Variants in PIAS4 observed in about 807,000 individuals in gnomAD.
PIAS4 encodes protein inhibitor of activated STAT 4, also known as E3 SUMO-protein ligase PIAS4.
PIAS4 carries 7 observed loss-of-function variants against 58.0 expected under a neutral mutation model. The ratio of observed to expected loss-of-function variants is 0.12; its 90% CI spans 0.07 to 0.23. PIAS4 has a LOEUF of 0.23. Ranked by LOEUF, PIAS4 falls within the 10% of genes least tolerant of loss-of-function variation. The pLI, the probability that PIAS4 is intolerant of heterozygous loss-of-function variation, is 1.00. For missense variants in PIAS4, 550 were observed against 709.5 expected, an observed-to-expected ratio of 0.78 and a Z score of 2.55; for synonymous variants, 364 against 312.4, an observed-to-expected ratio of 1.17 and a Z score of -1.74.
chr19:4,011,154 C>A (rs2039988966), intron 1 of PIAS4, among the ~76,000 whole-genome samples: 2 of 152,244 alleles, frequency 1.3e-5, no homozygotes, highest in Admixed American at 1.3e-4. Flanking sequence ...CTGGCTTCGA[C>A]CCTCAGGGTC....
chr19:4,037,684 G>T lies in PIAS4; in HGVS notation c.1342G>T (p.Gly448Cys), dbSNP rs1382317580. The T allele has an allele frequency of 1.2e-6, 2 of 1,612,008 alleles. No homozygotes were observed. Reference sequence around the variant, plus strand: ...CGGGAGCGGTGCCCTGGGCAGCACGGGTGGCGGCGGCCCGGTGGGCAGCAT... The same window carrying T: ...CGGGAGCGGTGCCCTGGGCAGCACGTGTGGCGGCGGCCCGGTGGGCAGCAT... ...VNGSGALGST[G>C]GGGPVGSMEN... is the part of the protein sequence containing the mutation. Residue 448 changes from glycine (G) to cysteine (C), a missense_variant, in exon 11 of 11, where the codon GGT becomes TGT. By Grantham distance (159) the Gly-to-Cys change is radical (BLOSUM62 -3). Coordinates refer to ENST00000262971, the MANE Select transcript of PIAS4 (RefSeq NM_015897.4). This position sits in a 1 kb window ranked among gnomAD's most constrained non-coding sequence, Gnocchi z 5.8.
At chr19:4,036,651 T>TACAAAC (rs1326288835) in intron 9 of PIAS4, among the ~76,000 whole-genome samples, 2 of 95,228 alleles carry the variant, frequency 2.1e-5, no homozygotes, top group Admixed American at 9.6e-5. Context: ...CACACTGTCA[T>TACAAAC]ACACACACAT....
In PIAS4 at chr19:4,039,330, G is replaced by A. The variant is rs562820433; in HGVS notation, c.*1455G>A. On this transcript the variant is annotated 3_prime_UTR_variant, in exon 11 of 11. Transcript: ENST00000262971. The stretch of plus-strand genomic sequence containing the variant: ...TGAAGGCCGCTGTTTTCTAATATTT[G>A]TATTCTAATTTAATTGTTTTTAAAA... 1 of 152,232 alleles carries A rather than the reference G, an allele frequency of 6.6e-6. No homozygotes were observed. The highest frequency in any genetic ancestry group is 6.5e-5 in the Admixed American group (1 of 15,270). 9.4% of individuals were successfully genotyped at this position (152,232 alleles called of 1,614,324 possible). A position where few individuals can be genotyped will look rare whatever the true frequency, so the allele number is the denominator to read the frequency against.
chr19:4,015,795 C>T (rs978217685), intron 2 of PIAS4, among the ~76,000 whole-genome samples: 12 of 152,216 alleles, frequency 7.9e-5, no homozygotes. Context: ...TGAGGCCCAC[C>T]GCTCTGGTCT....
At chr19:4,014,187 T>C (rs969378379) in intron 2 of PIAS4, among the ~76,000 whole-genome samples, 2 of 151,720 alleles carry the variant, frequency 1.3e-5, no homozygotes, top group African/African-American at 4.8e-5. Flanking sequence ...GGAGGAGAGG[T>C]GCTGGGCTCC....
intron 2 of PIAS4, among the ~76,000 whole-genome samples, chr19:4,023,159 T>G (rs1453416193): frequency 9.9e-5 from 9 of 91,268 alleles, no homozygotes; most frequent in Admixed American, 5.0e-4. Flanking sequence ...GCAACAAGAG[T>G]GAAACAAAGT....
At chr19:4,015,935 G>C (rs1389319347) in intron 2 of PIAS4, among the ~76,000 whole-genome samples, 1 of 152,204 alleles carries the variant, frequency 6.6e-6, no homozygotes, top group African/African-American at 2.4e-5. Context: ...AGGCTGCAGG[G>C]GCCTCAGGCT....
intron 3 of PIAS4, among the ~76,000 whole-genome samples, chr19:4,025,688 C>CGTCTTTGTCAGCCTT (rs6146449): frequency 6.6e-6 from 1 of 151,652 alleles, no homozygotes; most frequent in Admixed American, 6.6e-5. Flanking sequence ...TTCTCAGCCT[C>CGTCTTTGTCAGCCTT]GTCTTCCTTG....
At chr19:4,020,017 C>T (rs1337003626) in intron 2 of PIAS4, among the ~76,000 whole-genome samples, 3 of 151,888 alleles carry the variant, frequency 2.0e-5, no homozygotes, top group Non-Finnish European at 4.4e-5. Flanking sequence ...CCCAGGTTCA[C>T]GCCATTCTCC....
rs1169284272 is a variant in PIAS4, at chr19:4,033,563, C to G, written c.1125C>G (p.Asp375Glu). ...TGTGCGACAAGCCAGCCCCCTACGA[C>G]CAGCTCATCATCGACGGGTGAGCCC... ...CPVCDKPAPYDQLIIDGLLSK... is the reference protein window; with the variant it reads ...CPVCDKPAPYEQLIIDGLLSK... The change falls in exon 9 of 11, where the codon GAC becomes GAG. Residue 375 changes from aspartate (D) to glutamate (E), a missense_variant. Asp to Glu is a conservative substitution (Grantham distance 45). This residue lies in a region of PIAS4 where 225 missense variants were observed against 345.8 expected (regional missense o/e 0.65). Transcript: ENST00000262971. 2 of 1,608,714 alleles carry G rather than the reference C, an allele frequency of 1.2e-6. No homozygotes were observed. Among genetic ancestry groups the G allele is most frequent in the Non-Finnish European group, 1.7e-6 (2 of 1,178,544 alleles).
At chr19:4,023,403 T>C (rs2040130388) in intron 2 of PIAS4, among the ~76,000 whole-genome samples, 1 of 152,132 alleles carries the variant, frequency 6.6e-6, no homozygotes, top group South Asian at 2.1e-4. Context: ...GAGGTTGCAG[T>C]CAGCCGAGAT....
At chr19:4,023,347 C>G (rs914091745) in intron 2 of PIAS4, among the ~76,000 whole-genome samples, 1 of 151,726 alleles carries the variant, frequency 6.6e-6, no homozygotes, top group East Asian at 1.9e-4. Context: ...GGCTTGGTGG[C>G]TATTCGGGAG....
chr19:4,032,702 A>G (rs2040233832), intron 7 of PIAS4, among the ~76,000 whole-genome samples: 1 of 152,198 alleles, frequency 6.6e-6, no homozygotes, highest in Non-Finnish European at 1.5e-5. Context: ...TCTCCCAAAG[A>G]GTCCCTGCCT....
In PIAS4 at chr19:4,028,911, C is replaced by A. The variant is rs751688776; in HGVS notation, c.802-20C>A. 6.2e-6 allele frequency: 10 copies of A among 1,609,052 alleles called. No individual in the cohort carries two copies. In the African/African-American group the frequency reaches 1.3e-4, roughly 22 times the overall value. ...CCCGGCCCCGTCCTGCCAGCCCTGA[C>A]CCCTTCCTTCTGTCCCCAGAGCTAC... is the stretch of plus-strand genomic sequence containing the variant. On this transcript the variant is annotated intron_variant, in intron 6 of 10. Coordinates refer to ENST00000262971, the MANE Select transcript of PIAS4 (RefSeq NM_015897.4).
Position 4,037,662 on chromosome 19 carries a change from G to A in PIAS4, c.1320G>A (p.Gly440=). 1 of 1,612,062 alleles carries A rather than the reference G, an allele frequency of 6.2e-7. No homozygotes were observed. Among genetic ancestry groups the A allele is most frequent in the Non-Finnish European group, 8.5e-7 (1 of 1,179,776 alleles). Residue 440 remains glycine, a synonymous_variant, in exon 11 of 11, where the codon GGG becomes GGA. Coordinates refer to ENST00000262971, the MANE Select transcript of PIAS4 (RefSeq NM_015897.4). This position sits in a 1 kb window ranked among gnomAD's most constrained non-coding sequence, Gnocchi z 5.8. ...TCCTGCCCGCCCCCAGCGTCAACGG[G>A]AGCGGTGCCCTGGGCAGCACGGGTG... is the stretch of plus-strand genomic sequence containing the variant. The part of the protein sequence containing the change: ...NGLLPAPSVN[G]SGALGSTGGG...
Position 4,037,722 on chromosome 19 carries a change from G to A in PIAS4, c.1380G>A (p.Lys460=). ...CGGTGGGCAGCATGGAGAATGGGAA[G>A]CCGGGCGCCGATGTGGTGGACCTCA... ...GGPVGSMENG[K]PGADVVDLTL... Residue 460 remains lysine, a synonymous_variant, in exon 11 of 11, where the codon AAG becomes AAA. Coordinates refer to ENST00000262971, the MANE Select transcript of PIAS4 (RefSeq NM_015897.4). The surrounding 1 kb of genome is among the most constrained non-coding windows in gnomAD (Gnocchi z 5.8). 6.2e-7 allele frequency: 1 copy of A among 1,611,550 alleles called. No individual in the cohort carries two copies. The highest frequency in any genetic ancestry group is 8.5e-7 in the Non-Finnish European group (1 of 1,179,446).
intron 3 of PIAS4, among the ~76,000 whole-genome samples, chr19:4,025,877 T>C (rs1249736506): frequency 1.3e-5 from 2 of 151,794 alleles, no homozygotes; most frequent in East Asian, 3.9e-4. Flanking sequence ...ATCGAGACCA[T>C]CTTGGCTAAC....
intron 2 of PIAS4, among the ~76,000 whole-genome samples, chr19:4,017,225 C>T (rs1333236787): frequency 6.6e-6 from 1 of 152,136 alleles, no homozygotes; most frequent in Non-Finnish European, 1.5e-5. Context: ...GAGGGATGGG[C>T]CCACTGCTAC....
At chr19:4,018,348 A>G (rs1370126025) in intron 2 of PIAS4, 1 of 152,216 alleles carries the variant, frequency 6.6e-6, no homozygotes, top group Non-Finnish European at 1.5e-5. Flanking sequence ...CCATACTGTG[A>G]GCATCTGCTC....
Sources: gnomAD v4.1 joint callset for allele counts (sites outside exome capture counted in the v4.1 genomes callset) on GRCh38, gnomAD v4.1.1 for gene constraint, gnomAD v4.1.1 regional missense constraint, Gnocchi (gnomAD v3.1) non-coding constraint, MANE v1.5 for transcripts, NCBI Gene and HGNC (gene_info 2026-07-23, HGNC 2026-07-21) for gene names.